RIN2: variants seen among roughly 807,000 people sequenced by gnomAD.
RIN2 encodes the protein RAB5 interacting protein 2.
RIN2 carries 36 observed loss-of-function variants against 78.0 expected under a neutral mutation model. That is an observed-to-expected ratio of 0.46 (90% CI 0.35 to 0.61). The LOEUF (loss-of-function observed/expected upper bound fraction) is 0.61. Ranked by LOEUF, RIN2 falls within the 20% of genes least tolerant of loss-of-function variation. RIN2 has a pLI of 0.00. For missense variants in RIN2, 1,087 were observed against 1,159.7 expected, an observed-to-expected ratio of 0.94 and a Z score of 0.91; for synonymous variants, 466 against 466.8, an observed-to-expected ratio of 1.00 and a Z score of 0.02.
intron 2 of RIN2, among the ~76,000 whole-genome samples, chr20:19,883,280 G>A (rs1037379148): frequency 1.3e-5 from 2 of 151,942 alleles, no homozygotes; most frequent in African/African-American, 4.8e-5. Flanking sequence ...GCCCAAGGGG[G>A]AAAATGAGGG....
intron 3 of RIN2, among the ~76,000 whole-genome samples, chr20:19,926,195 A>G (rs1271854075): frequency 6.6e-6 from 1 of 152,210 alleles, no homozygotes. Flanking sequence ...GAAGGAGATT[A>G]TGGGTGATGG....
At chr20:19,869,501 T>C (rs1268481255) in intron 2 of RIN2, among the ~76,000 whole-genome samples, 2 of 152,248 alleles carry the variant, frequency 1.3e-5, no homozygotes, top group Non-Finnish European at 2.9e-5. Context: ...TGGGGCCTGG[T>C]TGAATTGTGG....
intron 7 of RIN2, among the ~76,000 whole-genome samples, chr20:19,969,608 G>A (rs529001007): frequency 3.9e-5 from 6 of 152,056 alleles, no homozygotes; most frequent in African/African-American, 1.2e-4. Context: ...ATTGTCTATC[G>A]GTATCCCCTG....
At chr20:19,883,110 C>T (rs2038075926) in intron 2 of RIN2, among the ~76,000 whole-genome samples, 1 of 152,108 alleles carries the variant, frequency 6.6e-6, no homozygotes, top group Non-Finnish European at 1.5e-5. Context: ...CAAGGGGAAG[C>T]CACCCCTCTT....
chr20:19,888,466 T>C (rs549602217), intron 2 of RIN2, among the ~76,000 whole-genome samples: 42 of 152,342 alleles, frequency 2.8e-4, no homozygotes, highest in Admixed American at 5.9e-4. Flanking sequence ...ACTCAGCTAA[T>C]AATGAAACAG....
Position 19,937,456 on chromosome 20 carries a change from G to A in RIN2, c.158+2257G>A, listed in dbSNP as rs566893483. Among the ~76,000 whole-genome samples, 14 of 152,234 alleles carry A rather than the reference G, an allele frequency of 9.2e-5. No individual in the cohort carries two copies. The South Asian group carries it at 2.1e-3, about 23-fold the overall frequency. ...TGAGTGTGAGCTGGGATAGGGAGTC[G>A]CCTATCCCACCACAGCCACCACGAA... On this transcript the variant is annotated intron_variant, in intron 4 of 12. Coordinates refer to ENST00000255006, the MANE Select transcript of RIN2 (RefSeq NM_018993.4).
intron 4 of RIN2, among the ~76,000 whole-genome samples, chr20:19,939,478 T>C (rs1275626893): frequency 6.6e-6 from 1 of 152,224 alleles, no homozygotes; most frequent in African/African-American, 2.4e-5. Flanking sequence ...GTGAACCTTT[T>C]AGTTCACCTA....
intron 1 of RIN2, among the ~76,000 whole-genome samples, chr20:19,789,100 A>G (rs895848570): frequency 3.9e-5 from 6 of 152,244 alleles, no homozygotes; most frequent in African/African-American, 9.6e-5. Context: ...GAGTTCAGAG[A>G]CAGAGCTACA....
chr20:19,797,074 G>A (rs2035080452), intron 1 of RIN2, among the ~76,000 whole-genome samples: 1 of 152,306 alleles, frequency 6.6e-6, no homozygotes, highest in Admixed American at 6.5e-5. Context: ...AATTTGAATT[G>A]TGTGAGCAAT....
intron 2 of RIN2, among the ~76,000 whole-genome samples, chr20:19,879,924 T>G (rs1214366128): frequency 6.6e-6 from 1 of 152,218 alleles, no homozygotes; most frequent in Non-Finnish European, 1.5e-5. Context: ...ACTCTTTCAT[T>G]TCTTTGGTAT....
chr20:19,837,008 G>A (rs868417926), intron 2 of RIN2, among the ~76,000 whole-genome samples: 48 of 152,178 alleles, frequency 3.2e-4, no homozygotes, highest in African/African-American at 1.1e-3. Flanking sequence ...ACCATTTATT[G>A]TATATCATGT....
At chr20:19,972,664 G>T (rs1442962936) in intron 8 of RIN2, among the ~76,000 whole-genome samples, 1 of 152,182 alleles carries the variant, frequency 6.6e-6, no homozygotes, top group African/African-American at 2.4e-5. Context: ...CTCACTCCCT[G>T]TGCCTGTACC....
intron 1 of RIN2, among the ~76,000 whole-genome samples, chr20:19,760,900 G>T (rs1359834634): frequency 6.6e-6 from 1 of 152,128 alleles, no homozygotes; most frequent in Non-Finnish European, 1.5e-5. Context: ...GTATGTGTAT[G>T]TATCTCTTAA....
chr20:19,791,849 G>A (rs532693313), intron 1 of RIN2, among the ~76,000 whole-genome samples: 19 of 152,252 alleles, frequency 1.2e-4, no homozygotes, highest in South Asian at 4.1e-4. Context: ...TGCCTGTATC[G>A]TGTCCACTTC....
intron 1 of RIN2, among the ~76,000 whole-genome samples, chr20:19,791,016 C>G (rs558677588): frequency 6.6e-6 from 1 of 152,180 alleles, no homozygotes; most frequent in Non-Finnish European, 1.5e-5. Context: ...AACTAAAATG[C>G]CTTTCCCCAT....
chr20:19,774,078 A>G (rs898602222), intron 1 of RIN2, among the ~76,000 whole-genome samples: 2 of 152,064 alleles, frequency 1.3e-5, no homozygotes, highest in African/African-American at 2.4e-5. Context: ...TGGGCTGTCA[A>G]CCAGCTACCA....
At chr20:19,843,867 T>G (rs7265637) in intron 2 of RIN2, among the ~76,000 whole-genome samples, 1,781 of 152,330 alleles carry the variant, frequency 0.012, 11 homozygotes, top group Non-Finnish European at 0.014. Context: ...CCTTTAGTCC[T>G]CAAAATGATT....
chr20:19,884,492 C>T (rs953039088), intron 2 of RIN2, among the ~76,000 whole-genome samples: 1 of 152,118 alleles, frequency 6.6e-6, no homozygotes, highest in Non-Finnish European at 1.5e-5. Flanking sequence ...ACAGTTCTTT[C>T]CATATGACTT....
At chr20:19,965,257 A>C (rs988946077) in intron 7 of RIN2, among the ~76,000 whole-genome samples, 30 of 152,128 alleles carry the variant, frequency 2.0e-4, no homozygotes, top group Non-Finnish European at 1.5e-5. Context: ...ATTATCCTTC[A>C]TATGATTATT....
Sources: allele counts gnomAD v4.1 joint callset (sites outside exome capture counted in the v4.1 genomes callset), GRCh38; gene constraint gnomAD v4.1.1; transcripts MANE v1.5; gene names NCBI Gene and HGNC (gene_info 2026-07-23, HGNC 2026-07-21).